Variants in TERT observed in about 807,000 individuals in gnomAD.
TERT encodes the protein telomerase reverse transcriptase.
TERT carries 42 observed loss-of-function variants against 104.0 expected under a neutral mutation model. The observed-to-expected ratio is 0.40, with a 90% CI of 0.32 to 0.52. The LOEUF is 0.52. Ranked by LOEUF, TERT falls within the 20% of genes least tolerant of loss-of-function variation. The probability of loss-of-function intolerance (pLI) is 0.43; values close to 1 mark genes in which losing one functional copy is unlikely to be tolerated. For synonymous variants in TERT, 781 were observed against 725.6 expected (o/e 1.08, Z -1.23); for missense variants, 1,101 against 1,610.3 (o/e 0.68, Z 5.41).
Position 1,265,164 on chromosome 5 carries a change from T to C in TERT, c.2655-572A>G, listed in dbSNP as rs1301176022. Among the ~76,000 whole-genome samples the C allele has an allele frequency of 1.3e-5, 2 of 152,196 alleles. No individual in the cohort carries two copies. Among genetic ancestry groups the C allele is most frequent in the Non-Finnish European group, 1.5e-5 (1 of 68,014 alleles). ...TCAAGGAGGTTCCCTCGCCGAGTCA[T>C]GAGCCTCGCTCACCCAGCTCAGGGA... On this transcript the variant is annotated intron_variant, in intron 10 of 15. Coordinates refer to ENST00000310581, the MANE Select transcript of TERT (RefSeq NM_198253.3). The surrounding 1 kb of genome is among the most constrained non-coding windows in gnomAD (Gnocchi z 6.9).
chr5:1,276,594 C>A (rs1429250709), intron 6 of TERT, among the ~76,000 whole-genome samples: 2 of 151,478 alleles, frequency 1.3e-5, no homozygotes, highest in East Asian at 3.9e-4. Flanking sequence ...TCCCACAGAT[C>A]CCCACCTACC....
chr5:1,271,943 G>A (rs766917602), intron 7 of TERT, among the ~76,000 whole-genome samples: 8 of 152,250 alleles, frequency 5.3e-5, no homozygotes, highest in Non-Finnish European at 7.3e-5. Flanking sequence ...AAGGCACTGC[G>A]GAACTGGAGA....
chr5:1,293,278 G>C, intron 2 of TERT, 35 bp downstream of exon 2: 1 of 1,610,030 alleles, frequency 6.2e-7, no homozygotes, highest in Non-Finnish European at 8.5e-7. Flanking sequence ...ATTCAGCTCT[G>C]GGGCCTGGGC....
rs34452728 is a variant in TERT, at chr5:1,257,789, G to A, written c.3032+809C>T. Among the ~76,000 whole-genome samples, 33 of 152,330 alleles carry A rather than the reference G, an allele frequency of 2.2e-4. No homozygotes were observed. The highest frequency in any genetic ancestry group is 1.9e-3 in the South Asian group (9 of 4,828). ...TCACATCAAGTGTGCACGGTAATTC[G>A]CGCAGCCTCGGCCCTGGGTAACACA... On this transcript the variant is annotated intron_variant, in intron 13 of 15. Coordinates refer to ENST00000310581, the MANE Select transcript of TERT (RefSeq NM_198253.3). This position sits in a 1 kb window ranked among gnomAD's most constrained non-coding sequence, Gnocchi z 5.6.
chr5:1,289,371 C>T (rs1419764170), intron 2 of TERT, among the ~76,000 whole-genome samples: 2 of 139,978 alleles, frequency 1.4e-5, no homozygotes, highest in Admixed American at 7.0e-5. Flanking sequence ...CAGGGACACC[C>T]GGGGACGGGG....
Position 1,253,261 on chromosome 5 carries a change from G to A in TERT, c.*467C>T. Reference sequence around the variant, plus strand: ...CACAGGGACCCCCATCCAGGTGCAGGGTCCTCGCCTGTGTACAGGGCACAC... The same window carrying A: ...CACAGGGACCCCCATCCAGGTGCAGAGTCCTCGCCTGTGTACAGGGCACAC... On this transcript the variant is annotated 3_prime_UTR_variant, in exon 16 of 16. Transcript: ENST00000310581. The A allele has an allele frequency of 3.8e-6, 1 of 264,328 alleles. No homozygotes were observed. The highest frequency in any genetic ancestry group is 7.3e-6 in the Non-Finnish European group (1 of 137,432). The allele number at this position is 264,328 out of a possible 1,614,324, so 16.4% of individuals were successfully genotyped here. A position where few individuals can be genotyped will look rare whatever the true frequency, so the allele number is the denominator to read the frequency against.
intron 3 of TERT, among the ~76,000 whole-genome samples, chr5:1,281,026 C>A (rs750718156): frequency 2.0e-5 from 3 of 152,214 alleles, no homozygotes; most frequent in African/African-American, 7.2e-5. Flanking sequence ...AGAAAAGGCA[C>A]GGTACCCTGT....
chr5:1,259,216 G>A (rs1486895388), intron 12 of TERT, among the ~76,000 whole-genome samples: 2 of 139,660 alleles, frequency 1.4e-5, no homozygotes, highest in Admixed American at 7.4e-5. Context: ...CACAGGAGAG[G>A]GAGTGGACGT....
rs2126641710 is a variant in TERT at position 1,279,326 on chromosome 5, C to T, written c.2095G>A (p.Ala699Thr). Residue 699 changes from alanine to threonine, a missense_variant, in exon 5 of 16, where the codon GCC (alanine) becomes ACC (threonine). Ala to Thr is a moderately conservative substitution (Grantham distance 58). This residue lies in a region of TERT where 463 missense variants were observed against 797.5 expected (regional missense o/e 0.58). Coordinates refer to ENST00000310581, the MANE Select transcript of TERT (RefSeq NM_198253.3). Reference protein sequence around the residue: ...AWRTFVLRVRAQDPPPELYFV... With the variant: ...AWRTFVLRVRTQDPPPELYFV... ...TACAGCTCAGGCGGCGGGTCCTGGG[C>T]CCGCACACGCAGCACGAAGGTGCGC... 1 of 1,585,628 alleles carries T rather than the reference C, an allele frequency of 6.3e-7. No individual in the cohort carries two copies.
rs1452307077 is a variant in TERT, at chr5:1,270,518, G to A, written c.2468+601C>T. The stretch of plus-strand genomic sequence containing the variant: ...CACCAGGCACTGTGGCTCTACCACC[G>A]TGAGTGTGGCTCACCCAGTGGCTGT... On this transcript the variant is annotated intron_variant, in intron 8 of 15. Transcript: ENST00000310581. The surrounding 1 kb of genome is among the most constrained non-coding windows in gnomAD (Gnocchi z 8.3). Among the ~76,000 whole-genome samples the A allele has an allele frequency of 1.3e-5, 2 of 152,188 alleles. No homozygotes were observed. The highest frequency in any genetic ancestry group is 2.1e-4 in the South Asian group (1 of 4,826).
intron 6 of TERT, among the ~76,000 whole-genome samples, chr5:1,277,605 T>TA (rs372321426): frequency 2.4e-5 from 3 of 122,542 alleles, no homozygotes; most frequent in African/African-American, 6.2e-5. Flanking sequence ...AGCGGGGATG[T>TA]GGGGGGGGGT....
rs2126584828 is a variant in TERT, at chr5:1,260,603, G to GAGACACAGGGGGGAATGTC, written c.2844-22_2844-4dup. 6.2e-7 allele frequency: 1 copy of GAGACACAGGGGGGAATGTC among 1,613,882 alleles called. No homozygotes were observed. Among genetic ancestry groups the GAGACACAGGGGGGAATGTC allele is most frequent in the South Asian group, 1.1e-5 (1 of 91,054 alleles). On this transcript the variant is annotated splice_region_variant and splice_polypyrimidine_tract_variant and intron_variant, in intron 11 of 15. Transcript: ENST00000310581. ...CTCTGATGGAGGTCCGGGCATAGCT[G>GAGACACAGGGGGGAATGTC]AGACACAGGGGGGAATGTCAGACAC...
At chr5:1,258,295 C>G (rs915308451) in intron 13 of TERT, among the ~76,000 whole-genome samples, 1 of 152,276 alleles carries the variant, frequency 6.6e-6, no homozygotes, top group African/African-American at 2.4e-5. Flanking sequence ...TCCCCATAAA[C>G]ATCTCTTTAC....
chr5:1,290,308 T>G (rs1468857186), intron 2 of TERT, among the ~76,000 whole-genome samples: 2 of 60,344 alleles, frequency 3.3e-5, no homozygotes, highest in Non-Finnish European at 6.0e-5. Context: ...GGACGGCGCC[T>G]CACTCACCCT....
rs1331448710 is a variant in TERT, at chr5:1,271,180, T to G, written c.2407A>C (p.Ser803Arg). Residue 803 changes from serine (S) to arginine (R), a missense_variant, in exon 8 of 16, where the codon AGT (serine) becomes CGT (arginine). This residue lies in a region of TERT where 463 missense variants were observed against 797.5 expected (regional missense o/e 0.58). Transcript: ENST00000310581. ...CGTAGGAAGACGTCGAAGAGGCCAC[T>G]GCTGGCCTCATTCAGGGAGGAGCTC... The part of the protein sequence containing the change: ...EQSSSLNEAS[S>R]GLFDVFLRFM... 3.7e-6 allele frequency: 6 copies of G among 1,612,922 alleles called. No individual in the cohort carries two copies.
Position 1,265,376 on chromosome 5 carries a change from G to A in TERT, c.2655-784C>T, listed in dbSNP as rs960924064. Among the ~76,000 whole-genome samples the A allele has an allele frequency of 1.3e-5, 2 of 152,088 alleles. No individual in the cohort carries two copies. The highest frequency in any genetic ancestry group is 2.4e-5 in the African/African-American group (1 of 41,404). On this transcript the variant is annotated intron_variant, in intron 10 of 15. Transcript: ENST00000310581. This position sits in a 1 kb window ranked among gnomAD's most constrained non-coding sequence, Gnocchi z 6.9. The stretch of plus-strand genomic sequence containing the variant: ...CACCCCTTCCTGTTACATGGCTGCC[G>A]ACTCATCAGAGACAGAGTTCTGCCC...
At position 1,253,567 on chromosome 5, in the gene TERT, C is replaced by T. The variant is rs949702146; in HGVS notation, c.*161G>A. The T allele has an allele frequency of 4.5e-6, 3 of 666,340 alleles. No individual in the cohort carries two copies. The highest frequency in any genetic ancestry group is 3.5e-5 in the African/African-American group (2 of 56,430). The allele number at this position is 666,340 out of a possible 1,614,324, so 41.3% of individuals were successfully genotyped here. ...CTCAGGCCTCAGCCGGACACTCAGC[C>T]TTCAGCCGGACATGCAGGCCTCGGC... On this transcript the variant is annotated 3_prime_UTR_variant, in exon 16 of 16. Transcript: ENST00000310581.
rs1316629840 is a variant in TERT, at chr5:1,261,762, G to T, written c.2844-1162C>A. Among the ~76,000 whole-genome samples the T allele has an allele frequency of 6.6e-6, 1 of 152,152 alleles. No individual in the cohort carries two copies. The highest frequency in any genetic ancestry group is 1.5e-5 in the Non-Finnish European group (1 of 68,032). On this transcript the variant is annotated intron_variant, in intron 11 of 15. Transcript: ENST00000310581. The surrounding 1 kb of genome is among the most constrained non-coding windows in gnomAD (Gnocchi z 7.4). ...ACGACCTTGGGCTCCGGCTCACCCTGAGCCTATGGGTCTGACTTGTGTGGG... is the reference window on the plus strand; with the variant it reads ...ACGACCTTGGGCTCCGGCTCACCCTTAGCCTATGGGTCTGACTTGTGTGGG...
chr5:1,272,079 C>G, intron 7 of TERT, 106 bp downstream of exon 7: 1 of 987,408 alleles, frequency 1.0e-6, no homozygotes. Context: ...ATTCCCCCCA[C>G]TGCCCCCCAG....
Sources: gnomAD v4.1 joint callset for allele counts (sites outside exome capture counted in the v4.1 genomes callset) on GRCh38, gnomAD v4.1.1 for gene constraint, gnomAD v4.1.1 regional missense constraint, Gnocchi (gnomAD v3.1) non-coding constraint, MANE v1.5 for transcripts, NCBI Gene and HGNC (gene_info 2026-07-23, HGNC 2026-07-21) for gene names.